The following ASTN2 variants were observed in gnomAD, a reference collection of about 807,000 sequenced individuals.
ASTN2 encodes the protein astrotactin-2.
A neutral mutation model predicts 139.8 loss-of-function variants in ASTN2; 54 were observed. The observed-to-expected ratio is 0.39, with a 90% confidence interval of 0.31 to 0.48. ASTN2 has a LOEUF of 0.48. ASTN2 is among the 20% of genes least tolerant of loss of function. The pLI, the probability that ASTN2 is intolerant of heterozygous loss-of-function variation, is 0.95. For missense variants in ASTN2, 1,565 were observed against 1,725.1 expected (o/e 0.91, Z 1.64); for synonymous variants, 756 against 719.5 (o/e 1.05, Z -0.81).
chr9:116,697,527 A>G (rs1860924452), intron 16 of ASTN2: 3 of 606,540 alleles, frequency 4.9e-6, no homozygotes, highest in Admixed American at 5.7e-5. Flanking sequence ...CGTGACATAT[A>G]ATAGACCTCA....
chr9:117,084,211 T>TATTTTACTGC (rs1160659415), intron 5 of ASTN2, among the ~76,000 whole-genome samples: 2 of 152,170 alleles, frequency 1.3e-5, no homozygotes, highest in African/African-American at 2.4e-5. Flanking sequence ...TAGGTTTCTG[T>TATTTTACTGC]ATTTTACTGC....
At chr9:116,954,685 C>A (rs992571822) in intron 10 of ASTN2, among the ~76,000 whole-genome samples, 1 of 151,994 alleles carries the variant, frequency 6.6e-6, no homozygotes, top group Non-Finnish European at 1.5e-5. Flanking sequence ...AGGTGATGGG[C>A]CAAATTGGCT....
At chr9:117,240,529 A>G (rs1409137998) in intron 2 of ASTN2, among the ~76,000 whole-genome samples, 1 of 152,192 alleles carries the variant, frequency 6.6e-6, no homozygotes, top group Non-Finnish European at 1.5e-5. Context: ...CAGGAGAAAG[A>G]CATAAGATTA....
chr9:117,354,284 C>T (rs1287012599), intron 1 of ASTN2, among the ~76,000 whole-genome samples: 2 of 152,070 alleles, frequency 1.3e-5, no homozygotes, highest in African/African-American at 4.8e-5. Flanking sequence ...GATGAGGCCC[C>T]TCATCATCTG....
intron 1 of ASTN2, among the ~76,000 whole-genome samples, chr9:117,299,726 C>T (rs1004731262): frequency 2.0e-5 from 3 of 152,076 alleles, no homozygotes; most frequent in Admixed American, 6.5e-5. Context: ...AGACCAAGCC[C>T]GAGCTCAGAG....
chr9:117,045,563 T>G (rs1333269908), intron 5 of ASTN2, among the ~76,000 whole-genome samples: 1 of 152,164 alleles, frequency 6.6e-6, no homozygotes, highest in Non-Finnish European at 1.5e-5. Flanking sequence ...GCTTAAGAAA[T>G]TCGACCGGAA....
chr9:116,787,266 T>C (rs1172562912), intron 13 of ASTN2, among the ~76,000 whole-genome samples: 1 of 152,232 alleles, frequency 6.6e-6, no homozygotes, highest in Non-Finnish European at 1.5e-5. Context: ...CTCCAGTCTC[T>C]AGATCCCTGA....
chr9:116,988,534 G>A (rs1302885898), intron 7 of ASTN2, among the ~76,000 whole-genome samples: 1 of 152,110 alleles, frequency 6.6e-6, no homozygotes, highest in Non-Finnish European at 1.5e-5. Context: ...ACCACCCTGT[G>A]AAGCGGGTGC....
At chr9:116,599,112 A>T (rs1854736292) in intron 19 of ASTN2, among the ~76,000 whole-genome samples, 1 of 152,184 alleles carries the variant, frequency 6.6e-6, no homozygotes, top group East Asian at 1.9e-4. Context: ...AATCTAAAAG[A>T]GGGGATTAAG....
intron 10 of ASTN2, among the ~76,000 whole-genome samples, chr9:116,904,953 C>T (rs1036271625): frequency 7.2e-5 from 11 of 152,116 alleles, no homozygotes; most frequent in Non-Finnish European, 1.3e-4. Flanking sequence ...ACCCTCCGCA[C>T]CCCCAACTCT....
intron 10 of ASTN2, among the ~76,000 whole-genome samples, chr9:116,889,186 G>T (rs1213952870): frequency 1.3e-5 from 2 of 152,174 alleles, no homozygotes; most frequent in East Asian, 3.9e-4. Context: ...GCTTGGGCTG[G>T]AGGCTCATTC....
rs753356301 is a variant in ASTN2, at chr9:116,725,906, C to T, written c.2671G>A (p.Glu891Lys). 3 of 1,613,936 alleles carry T rather than the reference C, an allele frequency of 1.9e-6. No homozygotes were observed. The highest frequency in any genetic ancestry group is 2.5e-6 in the Non-Finnish European group (3 of 1,179,988). Residue 891 changes from glutamate (E) to lysine (K), a missense_variant, in exon 16 of 23, where the codon GAG (glutamate) becomes AAG (lysine). Around this residue, in one of 4 missense-constraint regions of ASTN2, gnomAD observed 503 missense variants for 591.7 expected, o/e 0.85. Coordinates refer to ENST00000313400, the MANE Select transcript of ASTN2 (RefSeq NM_001365068.1). Reference sequence around the variant, plus strand: ...TGCTGGATGAAGGACAGCAGCTCCTCCCGACTGCTCTCCTTGGTCAGGATC... The same window carrying T: ...TGCTGGATGAAGGACAGCAGCTCCTTCCGACTGCTCTCCTTGGTCAGGATC... ...LKILTKESSREELLSFIQHYG... is the reference protein window; with the variant it reads ...LKILTKESSRKELLSFIQHYG...
chr9:117,078,961 C>G lies in ASTN2; in HGVS notation c.1276+17083G>C, dbSNP rs182115000. ...ATATTGGGCAGGCTGGTCTTGAACTCCTGACCTCAGGCGATCTGCCTGCCT... is the reference window on the plus strand; with the variant it reads ...ATATTGGGCAGGCTGGTCTTGAACTGCTGACCTCAGGCGATCTGCCTGCCT... On this transcript the variant is annotated intron_variant, in intron 5 of 22. Coordinates refer to ENST00000313400, the MANE Select transcript of ASTN2 (RefSeq NM_001365068.1). Among the ~76,000 whole-genome samples, 4 of 152,276 alleles carry G rather than the reference C, an allele frequency of 2.6e-5. No homozygotes were observed. The East Asian group carries it at 7.8e-4, about 30-fold the overall frequency.
chr9:116,598,422 G>GAA (rs1300170526), intron 19 of ASTN2, among the ~76,000 whole-genome samples: 2 of 152,306 alleles, frequency 1.3e-5, no homozygotes, highest in Admixed American at 1.3e-4. Context: ...TGCTTCATCT[G>GAA]TGAAAAGAGG....
In ASTN2 at chr9:116,687,330, G is replaced by C. The variant is rs12342207; in HGVS notation, c.2807-35537C>G. 297,472 of 957,472 alleles carry C rather than the reference G, an allele frequency of 0.31. 48,043 individuals carry two copies. The highest frequency in any genetic ancestry group is 0.42 in the Admixed American group (6,771 of 16,264). The allele number at this position is 957,472 out of a possible 1,614,324, so 59.3% of individuals were successfully genotyped here. On this transcript the variant is annotated intron_variant, in intron 16 of 22. Coordinates refer to ENST00000313400, the MANE Select transcript of ASTN2 (RefSeq NM_001365068.1). ...GCTCAACGGCGCGTGCGCAGAGGGA[G>C]GCAGGCGGGTGGGCTGCCGGCGGTG... is the stretch of plus-strand genomic sequence containing the variant.
At chr9:116,953,772 C>G (rs552527804) in intron 10 of ASTN2, among the ~76,000 whole-genome samples, 1 of 152,318 alleles carries the variant, frequency 6.6e-6, no homozygotes, top group South Asian at 2.1e-4. Context: ...AGGTTAGTTG[C>G]TCACATTCTT....
chr9:116,687,208 G>A (rs912629683), intron 16 of ASTN2: 3 of 1,010,274 alleles, frequency 3.0e-6, no homozygotes, highest in Middle Eastern at 1.0e-3. Context: ...CTTGCCCCGC[G>A]CGCTTGGGGC....
chr9:117,094,202 G>A (rs1041228269), intron 5 of ASTN2, among the ~76,000 whole-genome samples: 1 of 138,330 alleles, frequency 7.2e-6, no homozygotes, highest in African/African-American at 2.7e-5. Context: ...GAGAGGAGAG[G>A]AGAGGAGAGG....
At chr9:116,673,078 T>C (rs1216304837) in intron 16 of ASTN2, among the ~76,000 whole-genome samples, 2 of 152,246 alleles carry the variant, frequency 1.3e-5, no homozygotes, top group African/African-American at 2.4e-5. Context: ...AATAACTTCA[T>C]AACTTTACTT....
Sources: gnomAD v4.1 joint callset for allele counts (sites outside exome capture counted in the v4.1 genomes callset) on GRCh38, gnomAD v4.1.1 for gene constraint, gnomAD v4.1.1 regional missense constraint, MANE v1.5 for transcripts, NCBI Gene and HGNC (gene_info 2026-07-23, HGNC 2026-07-21) for gene names.